MKNK2: variants seen among roughly 807,000 people sequenced by gnomAD.
MKNK2 encodes MAPK interacting serine/threonine kinase 2.
Under a neutral mutation model 55.0 loss-of-function variants are expected in MKNK2, and 54 were observed. The ratio of observed to expected loss-of-function variants is 0.98; its 90% CI spans 0.79 to 1.23. The LOEUF (loss-of-function observed/expected upper bound fraction) is 1.23, where lower values mean the gene tolerates loss of function less well. MKNK2 is among the 50% of genes most tolerant of loss of function. MKNK2 has a pLI of 0.00. For missense variants in MKNK2, 685 were observed against 632.1 expected, an observed-to-expected ratio of 1.08 and a Z score of -0.90; for synonymous variants, 323 against 256.0, an observed-to-expected ratio of 1.26 and a Z score of -2.50.
chr19:2,046,452 C>T lies in MKNK2; in HGVS notation c.156G>A (p.Gln52=). 1.2e-6 allele frequency: 2 copies of T among 1,608,832 alleles called. No individual in the cohort carries two copies. Among genetic ancestry groups the T allele is most frequent in the Non-Finnish European group, 1.7e-6 (2 of 1,179,632 alleles). Residue 52 remains glutamine, a synonymous_variant, in exon 4 of 14, where the codon CAG becomes CAA. Transcript: ENST00000250896. ...TCTTGGCGTCCGGGATGTCAATGGGCTGGCTGGCGGGCATGTCTGTTCCAG... is the reference window on the plus strand; with the variant it reads ...TCTTGGCGTCCGGGATGTCAATGGGTTGGCTGGCGGGCATGTCTGTTCCAG... ...CSARPDMPAS[Q]PIDIPDAKKR...
Position 2,042,469 on chromosome 19 carries a change from G to C in MKNK2, c.708C>G (p.Asn236Lys). ...GGGTGGAGATAGGGGAGCAGTCCCC[G>C]TTGAGTTTGATGCCGCTGCCCAGGT... ...DFDLGSGIKL[N>K]GDCSPISTPE... The change falls in exon 10 of 14, where the codon AAC (asparagine) becomes AAG (lysine). Residue 236 changes from asparagine to lysine, a missense_variant. By Grantham distance (94) the Asn-to-Lys change is moderately conservative. Coordinates refer to ENST00000250896, the MANE Select transcript of MKNK2 (RefSeq NM_199054.3). The C allele has an allele frequency of 6.3e-7, 1 of 1,594,720 alleles. No homozygotes were observed. The highest frequency in any genetic ancestry group is 8.5e-7 in the Non-Finnish European group (1 of 1,172,160).
In MKNK2 at chr19:2,042,872, TGGGCAGGGCA is replaced by T. The variant is rs770954652; in HGVS notation, c.494-12_494-3del. 6.4e-7 allele frequency: 1 copy of T among 1,567,448 alleles called. No homozygotes were observed. Among genetic ancestry groups the T allele is most frequent in the Non-Finnish European group, 8.6e-7 (1 of 1,156,302 alleles). Reference sequence around the variant, plus strand: ...TGTGGATGTGGCTCAGGATGGAGCCTGGGCAGGGCAGGGCAGGGCAGGACAGGGGGAACAC... The same window carrying T: ...TGTGGATGTGGCTCAGGATGGAGCCTGGGCAGGGCAGGACAGGGGGAACAC... On this transcript the variant is annotated splice_polypyrimidine_tract_variant and splice_region_variant and intron_variant, in intron 7 of 13. Coordinates refer to ENST00000250896, the MANE Select transcript of MKNK2 (RefSeq NM_199054.3).
At chr19:2,050,569 C>T (rs2017093002) in intron 2 of MKNK2, among the ~76,000 whole-genome samples, 1 of 152,204 alleles carries the variant, frequency 6.6e-6, no homozygotes, top group Admixed American at 6.5e-5. Flanking sequence ...CTTGGGGGTC[C>T]TGGAGGAAGG....
chr19:2,042,383 C>T (rs373693178), intron 10 of MKNK2, 44 bp downstream of exon 10: 69 of 1,521,594 alleles, frequency 4.5e-5, no homozygotes, highest in East Asian at 4.1e-4. Flanking sequence ...TATGCAACCG[C>T]AGAGCAGGCG....
Position 2,050,915 on chromosome 19 carries a change from G to A in MKNK2, c.-64C>T. ...GGCCCGGGGGGAGGCCCGAGGGCGG[G>A]CGGCCGGGCGGGGGGCGGCCGAGGA... On this transcript the variant is annotated 5_prime_UTR_variant, in exon 2 of 14. Coordinates refer to ENST00000250896, the MANE Select transcript of MKNK2 (RefSeq NM_199054.3). 1.6e-6 allele frequency: 2 copies of A among 1,280,522 alleles called. No homozygotes were observed. The highest frequency in any genetic ancestry group is 2.7e-5 in the Admixed American group (1 of 36,816). The allele number at this position is 1,280,522 out of a possible 1,614,324, so 79.3% of individuals were successfully genotyped here.
At chr19:2,041,316 ACG>A in intron 11 of MKNK2, 112 bp from the exon 12 acceptor site, 2 of 1,110,842 alleles carry the variant, frequency 1.8e-6, no homozygotes, top group Non-Finnish European at 2.6e-6. Context: ...GCCCTAGACC[ACG>A]CACGCCTGGG....
chr19:2,037,632 T>A lies in MKNK2; in HGVS notation c.*1981A>T, dbSNP rs1375735391. ...CCCCACTTTAAAAAAACTTTTGAGG[T>A]TTTTTTTTTTTTTTTGTCTTTTAAA... On this transcript the variant is annotated 3_prime_UTR_variant, in exon 14 of 14. Coordinates refer to ENST00000250896, the MANE Select transcript of MKNK2 (RefSeq NM_199054.3). 8.5e-5 allele frequency: 10 copies of A among 117,012 alleles called. No homozygotes were observed. Among genetic ancestry groups the A allele is most frequent in the Non-Finnish European group, 1.3e-4 (10 of 79,980 alleles). The allele number at this position is 117,012 out of a possible 1,614,324, so 7.2% of individuals were successfully genotyped here.
intron 12 of MKNK2, 34 bp from the exon 13 acceptor site, chr19:2,040,211 A>T (rs1205883706): frequency 2.6e-6 from 4 of 1,534,032 alleles, no homozygotes; most frequent in Admixed American, 4.3e-5. Flanking sequence ...AGGGCTGGAG[A>T]GCAGCTGGGG....
At chr19:2,048,980 C>T (rs1051086245) in intron 2 of MKNK2, among the ~76,000 whole-genome samples, 7 of 152,296 alleles carry the variant, frequency 4.6e-5, no homozygotes, top group South Asian at 4.1e-4. Context: ...AGCGGTGAGA[C>T]GGGAGGCAGC....
At position 2,039,626 on chromosome 19, in the gene MKNK2, CCCACCAGGA is replaced by C; in HGVS notation, c.1376_1384del (p.Val459_Val461del). 1.9e-6 allele frequency: 3 copies of C among 1,611,994 alleles called. No individual in the cohort carries two copies. Among genetic ancestry groups the C allele is most frequent in the African/African-American group, 1.3e-5 (1 of 75,036 alleles). ...GAGATGGGAGGGTCAGGCGTGGTCTCCCACCAGGACCACTGGGGCCGAGGACAGACTGGC... is the reference window on the plus strand; with the variant it reads ...GAGATGGGAGGGTCAGGCGTGGTCTCCCACTGGGGCCGAGGACAGACTGGC... On this transcript the variant is annotated inframe_deletion, in exon 14 of 14. Coordinates refer to ENST00000250896, the MANE Select transcript of MKNK2 (RefSeq NM_199054.3).
chr19:2,039,730 GAC>G lies in MKNK2; in HGVS notation c.1279_1280del (p.Val427ProfsTer48), dbSNP rs921535575. The G allele has an allele frequency of 2.5e-6, 4 of 1,611,068 alleles. No individual in the cohort carries two copies. Among genetic ancestry groups the G allele is most frequent in the Non-Finnish European group, 3.4e-6 (4 of 1,179,842 alleles). On this transcript the variant is annotated frameshift_variant, in exon 14 of 14. Coordinates refer to ENST00000250896, the MANE Select transcript of MKNK2 (RefSeq NM_199054.3). LOFTEE classifies it high-confidence loss of function. ...EAAGQGQPVL[V>X]RATSRCLQLS... ...GCTGCAGGCAGCGTGAGGTAGCTCG[GAC>G]CAGGACGGGCTGGCCCTGCCCCGCG...
intron 13 of MKNK2, 128 bp downstream of exon 13, chr19:2,040,006 T>C: frequency 7.2e-7 from 1 of 1,380,412 alleles, no homozygotes; most frequent in Admixed American, 2.0e-5. Flanking sequence ...CACCGGGAGC[T>C]TCACTGAGTC....
intron 5 of MKNK2, among the ~76,000 whole-genome samples, chr19:2,045,508 T>G (rs1336156366): frequency 6.6e-6 from 1 of 152,048 alleles, no homozygotes; most frequent in African/African-American, 2.4e-5. Context: ...CTCCCCAGGT[T>G]GGCCACCCCT....
chr19:2,042,641 T>G lies in MKNK2; in HGVS notation c.620A>C (p.Lys207Thr). The change falls in exon 9 of 14, where the codon AAG becomes ACG. Residue 207 changes from lysine (K) to threonine (T), a missense_variant. By Grantham distance (78) the Lys-to-Thr change is moderately conservative. Transcript: ENST00000250896. Reference protein sequence around the residue: ...HNKGIAHRDLKPENILCEHPN... With the variant: ...HNKGIAHRDLTPENILCEHPN... ...GTGCTCACAGAGGATGTTTTCCGGCTTTAGGTCCCTGTGGGCGATGCCTGG... is the reference window on the plus strand; with the variant it reads ...GTGCTCACAGAGGATGTTTTCCGGCGTTAGGTCCCTGTGGGCGATGCCTGG... The G allele has an allele frequency of 6.4e-7, 1 of 1,563,614 alleles. No homozygotes were observed. Among genetic ancestry groups the G allele is most frequent in the Non-Finnish European group, 8.7e-7 (1 of 1,153,502 alleles).
rs369535154 is a variant in MKNK2, at chr19:2,037,955, G to A, written c.*1658C>T. 187 of 1,388,822 alleles carry A rather than the reference G, an allele frequency of 1.3e-4. 2 individuals are homozygous for A. The East Asian group carries it at 2.5e-3, about 19-fold the overall frequency. The allele number at this position is 1,388,822 out of a possible 1,614,324, so 86.0% of individuals were successfully genotyped here. On this transcript the variant is annotated 3_prime_UTR_variant, in exon 14 of 14. Transcript: ENST00000250896. The stretch of plus-strand genomic sequence containing the variant: ...GCTTGTTCTTTGATACAAAAAGGCA[G>A]AGAATCCCCCGTTACGAAACATGGA...
Position 2,039,608 on chromosome 19 carries a change from G to A in MKNK2, c.*5C>T, listed in dbSNP as rs2016829476. 2 of 1,608,186 alleles carry A rather than the reference G, an allele frequency of 1.2e-6. No individual in the cohort carries two copies. The highest frequency in any genetic ancestry group is 1.7e-6 in the Non-Finnish European group (2 of 1,177,210). ...TGACCTATGTACAGAGGGGAGATGG[G>A]AGGGTCAGGCGTGGTCTCCCACCAG... On this transcript the variant is annotated 3_prime_UTR_variant, in exon 14 of 14. Coordinates refer to ENST00000250896, the MANE Select transcript of MKNK2 (RefSeq NM_199054.3).
At position 2,038,800 on chromosome 19, in the gene MKNK2, G is replaced by C. The variant is rs1294996563; in HGVS notation, c.*813C>G. On this transcript the variant is annotated 3_prime_UTR_variant, in exon 14 of 14. Transcript: ENST00000250896. ...TCCAGCCCCTCTGCCTGCTGCGGTG[G>C]AAACGGCTTCGGGCCAGGCGGGGCT... 1.0e-6 allele frequency: 1 copy of C among 985,594 alleles called. No individual in the cohort carries two copies. The highest frequency in any genetic ancestry group is 5.2e-4 in the Middle Eastern group (1 of 1,936). 61.1% of individuals were successfully genotyped at this position (985,594 alleles called of 1,614,324 possible). A position where few individuals can be genotyped will look rare whatever the true frequency, so the allele number is the denominator to read the frequency against.
chr19:2,038,107 C>CGG lies in MKNK2; in HGVS notation c.*1504_*1505dup. 1 of 1,110,240 alleles carries CGG rather than the reference C, an allele frequency of 9.0e-7. No homozygotes were observed. Among genetic ancestry groups the CGG allele is most frequent in the African/African-American group, 1.6e-5 (1 of 61,118 alleles). The allele number at this position is 1,110,240 out of a possible 1,614,324, so 68.8% of individuals were successfully genotyped here. A position where few individuals can be genotyped will look rare whatever the true frequency, so the allele number is the denominator to read the frequency against. ...GACCAGGGAAGGCAGAGCACCCCCA[C>CGG]GGCCACCGGACTGTGACCATCATAC... On this transcript the variant is annotated 3_prime_UTR_variant, in exon 14 of 14. Coordinates refer to ENST00000250896, the MANE Select transcript of MKNK2 (RefSeq NM_199054.3).
In MKNK2 at chr19:2,043,506, T is replaced by TG. The variant is rs765001556; in HGVS notation, c.415dup (p.His139ProfsTer9). On this transcript the variant is annotated frameshift_variant, in exon 6 of 14. Coordinates refer to ENST00000250896, the MANE Select transcript of MKNK2 (RefSeq NM_199054.3). LOFTEE classifies it high-confidence loss of function. ...GTGGCAAGGGTGGCTCACCTACCTG[T>TG]GTCCCTGGCACTGGTACAGCATCTC... 1 of 1,613,964 alleles carries TG rather than the reference T, an allele frequency of 6.2e-7. No homozygotes were observed. The highest frequency in any genetic ancestry group is 1.7e-5 in the Admixed American group (1 of 60,014).
Sources: gnomAD v4.1 joint callset for allele counts (sites outside exome capture counted in the v4.1 genomes callset) on GRCh38, gnomAD v4.1.1 for gene constraint, MANE v1.5 for transcripts, NCBI Gene and HGNC (gene_info 2026-07-23, HGNC 2026-07-21) for gene names.